ARHGAP42: variants seen among roughly 807,000 people sequenced by gnomAD.
The protein encoded by ARHGAP42 is rho GTPase-activating protein 42.
Under a neutral mutation model 125.0 loss-of-function variants are expected in ARHGAP42, and 63 were observed. The ratio of observed to expected loss-of-function variants is 0.50; its 90% CI spans 0.41 to 0.62. ARHGAP42 has a LOEUF of 0.62. ARHGAP42 is among the 20% of genes least tolerant of loss of function. ARHGAP42 has a pLI of 0.00. For synonymous variants in ARHGAP42, 339 were observed against 351.0 expected (o/e 0.97, Z 0.38); for missense variants, 766 against 1,024.2 (o/e 0.75, Z 3.44).
intron 1 of ARHGAP42, among the ~76,000 whole-genome samples, chr11:100,731,984 C>T (rs1208472582): frequency 2.0e-5 from 3 of 147,560 alleles, no homozygotes; most frequent in African/African-American, 5.0e-5. Context: ...GATGGAGTTT[C>T]GCTCTTGTTG....
chr11:100,813,973 G>A (rs2135063977), intron 3 of ARHGAP42, among the ~76,000 whole-genome samples: 1 of 152,146 alleles, frequency 6.6e-6, no homozygotes, highest in Admixed American at 6.5e-5. Flanking sequence ...AGCAGGTGGA[G>A]CATGAGATCG....
At chr11:100,788,099 A>G (rs1863478022) in intron 2 of ARHGAP42, among the ~76,000 whole-genome samples, 1 of 152,186 alleles carries the variant, frequency 6.6e-6, no homozygotes, top group South Asian at 2.1e-4. Flanking sequence ...CTATGATATT[A>G]AACAACTTTG....
chr11:100,769,838 A>T (rs1862931398), intron 1 of ARHGAP42, among the ~76,000 whole-genome samples: 1 of 144,126 alleles, frequency 6.9e-6, no homozygotes, highest in Non-Finnish European at 1.5e-5. Context: ...GGGGAGGTGT[A>T]GGGGGATGGA....
chr11:100,977,587 C>CA (rs1379133757), intron 21 of ARHGAP42, among the ~76,000 whole-genome samples: 2 of 151,842 alleles, frequency 1.3e-5, no homozygotes, highest in African/African-American at 2.4e-5. Context: ...AACAAGTAAG[C>CA]AAAAAAGAGA....
intron 4 of ARHGAP42, among the ~76,000 whole-genome samples, chr11:100,908,373 C>A (rs571763632): frequency 6.6e-5 from 10 of 152,158 alleles, no homozygotes; most frequent in Non-Finnish European, 1.2e-4. Flanking sequence ...TTGTACCCAA[C>A]AGGTAATGTT....
intron 6 of ARHGAP42, among the ~76,000 whole-genome samples, chr11:100,929,412 T>G (rs1195581550): frequency 2.6e-5 from 4 of 152,184 alleles, no homozygotes; most frequent in Non-Finnish European, 5.9e-5. Flanking sequence ...ATGTACAAAT[T>G]TTTGTGTAGA....
intron 2 of ARHGAP42, among the ~76,000 whole-genome samples, chr11:100,770,887 A>G (rs1862959668): frequency 6.6e-6 from 1 of 152,188 alleles, no homozygotes; most frequent in African/African-American, 2.4e-5. Context: ...CCTAAAGAAA[A>G]TATTATAAAT....
chr11:100,937,713 C>T lies in ARHGAP42; in HGVS notation c.832+1381C>T, dbSNP rs139404119. Among the ~76,000 whole-genome samples, 498 of 152,286 alleles carry T rather than the reference C, an allele frequency of 3.3e-3. 3 individuals carry two copies. The highest frequency in any genetic ancestry group is 0.011 in the African/African-American group (464 of 41,564). Reference sequence around the variant, plus strand: ...CTAGGTGTTACACACTTGCTGAAATCTTTGTGGGCACACAATATTTTATTC... The same window carrying T: ...CTAGGTGTTACACACTTGCTGAAATTTTTGTGGGCACACAATATTTTATTC... On this transcript the variant is annotated intron_variant, in intron 8 of 23. Coordinates refer to ENST00000298815, the MANE Select transcript of ARHGAP42 (RefSeq NM_152432.4).
chr11:100,974,412 G>A (rs961969346), intron 18 of ARHGAP42, 47 bp from the exon 19 acceptor site: 2 of 1,516,772 alleles, frequency 1.3e-6, no homozygotes, highest in Non-Finnish European at 1.8e-6. Flanking sequence ...AATGAAAGTG[G>A]CAATATCACC....
intron 2 of ARHGAP42, among the ~76,000 whole-genome samples, chr11:100,784,668 A>C (rs1863392678): frequency 6.6e-6 from 1 of 152,172 alleles, no homozygotes; most frequent in Non-Finnish European, 1.5e-5. Context: ...GAGATTCAAA[A>C]AAAAAAAATC....
rs545598810 is a variant in ARHGAP42, at chr11:100,847,954, T to A, written c.313-11600T>A. On this transcript the variant is annotated intron_variant, in intron 3 of 23. Coordinates refer to ENST00000298815, the MANE Select transcript of ARHGAP42 (RefSeq NM_152432.4). The stretch of plus-strand genomic sequence containing the variant: ...CATTAGTCGACCCATGGATGGAGTG[T>A]AGAGTGTTTTCTTATCTTGAAATGT... Among the ~76,000 whole-genome samples, 19 of 152,264 alleles carry A rather than the reference T, an allele frequency of 1.2e-4. No homozygotes were observed. In the South Asian group the frequency reaches 3.3e-3, roughly 27 times the overall value.
chr11:100,897,010 T>G (rs1254800292), intron 4 of ARHGAP42, among the ~76,000 whole-genome samples: 1 of 152,236 alleles, frequency 6.6e-6, no homozygotes, highest in Non-Finnish European at 1.5e-5. Context: ...TTGAATTAAT[T>G]TTTGTATAAG....
At chr11:100,985,035 T>G (rs964032254) in intron 22 of ARHGAP42, among the ~76,000 whole-genome samples, 1 of 152,208 alleles carries the variant, frequency 6.6e-6, no homozygotes. Context: ...CTGTGTGATT[T>G]TGACACATTT....
chr11:100,868,367 A>G (rs1289572124), intron 4 of ARHGAP42, among the ~76,000 whole-genome samples: 1 of 152,198 alleles, frequency 6.6e-6, no homozygotes, highest in Non-Finnish European at 1.5e-5. Flanking sequence ...CATCTTTTTT[A>G]ACAATAATAG....
chr11:100,913,689 C>T, intron 5 of ARHGAP42, 136 bp downstream of exon 5: 1 of 361,614 alleles, frequency 2.8e-6, no homozygotes, highest in South Asian at 2.5e-5. Flanking sequence ...TAATTGAGCA[C>T]TTACTATGGG....
intron 3 of ARHGAP42, among the ~76,000 whole-genome samples, chr11:100,848,469 G>A (rs1865124062): frequency 6.6e-6 from 1 of 151,628 alleles, no homozygotes; most frequent in Admixed American, 6.6e-5. Flanking sequence ...CATGTAAACT[G>A]GACATCTAAG....
At chr11:100,779,437 C>T (rs1418608571) in intron 2 of ARHGAP42, among the ~76,000 whole-genome samples, 2 of 98,966 alleles carry the variant, frequency 2.0e-5, no homozygotes, top group African/African-American at 8.6e-5. Context: ...AAGAGCGAGA[C>T]TGCGTCTCAA....
intron 1 of ARHGAP42, among the ~76,000 whole-genome samples, chr11:100,746,463 C>A (rs1057142098): frequency 1.6e-4 from 24 of 152,228 alleles, no homozygotes; most frequent in African/African-American, 5.5e-4. Flanking sequence ...TCTGGGCCTC[C>A]GGCCCACCGT....
At chr11:100,740,031 G>A (rs2120341604) in intron 1 of ARHGAP42, among the ~76,000 whole-genome samples, 1 of 150,952 alleles carries the variant, frequency 6.6e-6, no homozygotes, top group African/African-American at 2.4e-5. Flanking sequence ...AAAGTTACTT[G>A]GTGTCAGCCT....
Sources: allele counts gnomAD v4.1 joint callset (sites outside exome capture counted in the v4.1 genomes callset), GRCh38; gene constraint gnomAD v4.1.1; transcripts MANE v1.5; gene names NCBI Gene and HGNC (gene_info 2026-07-23, HGNC 2026-07-21).